The following USH2A variants were observed in gnomAD, a reference collection of about 807,000 sequenced individuals.
The protein encoded by USH2A is usherin.
USH2A carries 443 observed loss-of-function variants against 538.9 expected under a neutral mutation model. The ratio of observed to expected loss-of-function variants is 0.82; its 90% CI spans 0.76 to 0.89. USH2A has a LOEUF of 0.89. Among genes scored for constraint, USH2A ranks in the 40% least tolerant of loss-of-function variants. USH2A has a pLI of 0.00. For missense variants in USH2A, 6,633 were observed against 6,324.8 expected, an observed-to-expected ratio of 1.05 and a Z score of -1.65; for synonymous variants, 2,413 against 2,273.5, an observed-to-expected ratio of 1.06 and a Z score of -1.75.
At chr1:216,251,436 C>CT (rs1257701471) in intron 11 of USH2A, among the ~76,000 whole-genome samples, 2 of 141,196 alleles carry the variant, frequency 1.4e-5, no homozygotes, top group African/African-American at 5.1e-5. Context: ...TAGGACACCA[C>CT]TTCCCCTTTT....
intron 61 of USH2A, among the ~76,000 whole-genome samples, chr1:215,683,441 C>T (rs897085748): frequency 2.6e-5 from 4 of 152,300 alleles, no homozygotes; most frequent in Admixed American, 2.6e-4. Flanking sequence ...GAATGAATTT[C>T]CAACATCAAA....
rs186150400 is a variant in USH2A, at chr1:216,215,596, T to C, written c.3157+1791A>G. On this transcript the variant is annotated intron_variant, in intron 15 of 71. Transcript: ENST00000307340. The stretch of plus-strand genomic sequence containing the variant: ...AAGGCAGGAAAGTTGTCTCATTTGT[T>C]TCTAATAAATTGCCTCTGCTGATGC... Among the ~76,000 whole-genome samples the C allele has an allele frequency of 3.2e-4, 48 of 152,224 alleles. No homozygotes were observed. The East Asian group carries it at 8.5e-3, about 27-fold the overall frequency.
At chr1:215,976,354 A>T (rs1018114738) in intron 35 of USH2A, among the ~76,000 whole-genome samples, 2 of 152,160 alleles carry the variant, frequency 1.3e-5, no homozygotes, top group Admixed American at 6.6e-5. Context: ...TATGTTGAGT[A>T]AGAGTGGTGA....
At chr1:215,799,665 A>G (rs1008701165) in intron 49 of USH2A, among the ~76,000 whole-genome samples, 1 of 151,934 alleles carries the variant, frequency 6.6e-6, no homozygotes, top group Non-Finnish European at 1.5e-5. Flanking sequence ...TTCTCTTCAC[A>G]TGACAGTCTG....
At chr1:216,313,451 G>C (rs981047854) in intron 9 of USH2A, among the ~76,000 whole-genome samples, 9 of 152,150 alleles carry the variant, frequency 5.9e-5, no homozygotes, top group African/African-American at 2.2e-4. Flanking sequence ...TGGCTAGAGG[G>C]AGCTGAAGTT....
intron 60 of USH2A, among the ~76,000 whole-genome samples, chr1:215,735,890 A>G (rs1223049085): frequency 6.6e-6 from 1 of 152,082 alleles, no homozygotes; most frequent in East Asian, 1.9e-4. Flanking sequence ...ATAACTTTCT[A>G]TTTTTATCAT....
chr1:216,212,493 G>A (rs1002316997), intron 15 of USH2A, among the ~76,000 whole-genome samples: 4 of 152,168 alleles, frequency 2.6e-5, no homozygotes, highest in Non-Finnish European at 2.9e-5. Flanking sequence ...TTTATGGGAT[G>A]AGAGTATAAT....
chr1:215,718,651 T>C (rs1156766735), intron 61 of USH2A, among the ~76,000 whole-genome samples: 2 of 152,090 alleles, frequency 1.3e-5, no homozygotes, highest in South Asian at 2.1e-4. Flanking sequence ...CTGTGAACCA[T>C]AAAAAAATTG....
intron 9 of USH2A, among the ~76,000 whole-genome samples, chr1:216,300,731 T>A (rs1415978172): frequency 6.6e-6 from 1 of 150,984 alleles, no homozygotes; most frequent in African/African-American, 2.4e-5. Flanking sequence ...CCACTCCTGA[T>A]AGACTCAATG....
At position 215,695,741 on chromosome 1, in the gene USH2A, TTTTGTTTG is replaced by T. The variant is rs138129030; in HGVS notation, c.12067-15373_12067-15366del. 1.9e-4 allele frequency among the ~76,000 whole-genome samples: 29 copies of T among 150,956 alleles called. No homozygotes were observed. The South Asian group carries it at 3.4e-3, about 17-fold the overall frequency. On this transcript the variant is annotated intron_variant, in intron 61 of 71. Coordinates refer to ENST00000307340, the MANE Select transcript of USH2A (RefSeq NM_206933.4). ...GTCTACATATCACATAACTTTCTGT[TTTTGTTTG>T]TTTGTTTGTTTGTTTGTTTTTTGAG...
In USH2A at chr1:215,867,065, G is replaced by C. The variant is rs371183424; in HGVS notation, c.8787C>G (p.Ala2929=). ...TTLAGLPERG[A]NLTASVLNHT... The stretch of plus-strand genomic sequence containing the variant: ...GGTTAAGGACACTCGCAGTGAGATT[G>C]GCTCCTCTCTCTGGAAGACCAGCTA... Residue 2929 remains alanine, a synonymous_variant, in exon 44 of 72, where the codon GCC becomes GCG. Coordinates refer to ENST00000307340, the MANE Select transcript of USH2A (RefSeq NM_206933.4). 3.6e-5 allele frequency: 58 copies of C among 1,614,134 alleles called. 1 individual carries two copies. The highest frequency in any genetic ancestry group is 2.2e-4 in the South Asian group (20 of 91,080).
rs1467970535 is a variant in USH2A, at chr1:215,817,018, A to C, written c.9549T>G (p.Ile3183Met). 1.6e-5 allele frequency: 25 copies of C among 1,612,444 alleles called. No homozygotes were observed. The highest frequency in any genetic ancestry group is 2.0e-5 in the Non-Finnish European group (24 of 1,178,872). The change falls in exon 48 of 72, where the codon ATT (isoleucine) becomes ATG (methionine). Residue 3183 changes from isoleucine to methionine, a missense_variant. Coordinates refer to ENST00000307340, the MANE Select transcript of USH2A (RefSeq NM_206933.4). The part of the protein sequence containing the change: ...CQKPESICGH[I>M]CYSSEAKVCC... The stretch of plus-strand genomic sequence containing the variant: ...TTACCTTAGCTTCAGAAGAATAGCA[A>C]ATGTGTCCACAGATAGATTCAGGTT...
In USH2A at chr1:215,970,785, A is replaced by G. The variant is rs1338248550; in HGVS notation, c.6806-9T>C. On this transcript the variant is annotated splice_polypyrimidine_tract_variant and intron_variant, in intron 35 of 71. Transcript: ENST00000307340. ...ATAACTCGTGATAACACCTGGGAAG[A>G]TAATAATTGCCTTTCAGTATGACTA... The G allele has an allele frequency of 6.2e-7, 1 of 1,613,050 alleles. No homozygotes were observed. Among genetic ancestry groups the G allele is most frequent in the East Asian group, 2.2e-5 (1 of 44,862 alleles).
intron 37 of USH2A, among the ~76,000 whole-genome samples, chr1:215,950,626 C>A (rs1423516620): frequency 6.6e-6 from 1 of 151,616 alleles, no homozygotes; most frequent in Middle Eastern, 3.2e-3. Flanking sequence ...CTGCCTCAGC[C>A]TCTCGAGTAG....
chr1:215,741,618 A>G, intron 59 of USH2A, 81 bp from the exon 60 acceptor site: 1 of 1,492,366 alleles, frequency 6.7e-7, no homozygotes, highest in Non-Finnish European at 9.1e-7. Flanking sequence ...GGGTAATGAT[A>G]TCATGAAAAT....
At chr1:216,231,678 G>T (rs1285167786) in intron 14 of USH2A, among the ~76,000 whole-genome samples, 1 of 151,866 alleles carries the variant, frequency 6.6e-6, no homozygotes, top group Admixed American at 6.6e-5. Context: ...CTTCTGAGTA[G>T]TTGGGACTAC....
intron 56 of USH2A, among the ~76,000 whole-genome samples, chr1:215,764,478 G>A (rs1039044979): frequency 1.3e-5 from 2 of 152,126 alleles, no homozygotes; most frequent in African/African-American, 2.4e-5. Flanking sequence ...TTTGACTAAA[G>A]GTACAGGTAC....
At chr1:216,048,195 T>G (rs982351977) in intron 31 of USH2A, among the ~76,000 whole-genome samples, 3 of 152,222 alleles carry the variant, frequency 2.0e-5, no homozygotes, top group African/African-American at 7.2e-5. Flanking sequence ...TCAGACTGTC[T>G]CTAGATTTAC....
At chr1:216,353,647 C>T (rs2038328531) in intron 4 of USH2A, among the ~76,000 whole-genome samples, 1 of 151,928 alleles carries the variant, frequency 6.6e-6, no homozygotes, top group African/African-American at 2.4e-5. Flanking sequence ...ATAGCTGAAA[C>T]AATCTAGAGG....
Sources: allele counts gnomAD v4.1 joint callset (sites outside exome capture counted in the v4.1 genomes callset), GRCh38; gene constraint gnomAD v4.1.1; transcripts MANE v1.5; gene names NCBI Gene and HGNC (gene_info 2026-07-23, HGNC 2026-07-21).